The following MAN1A2 variants were observed in gnomAD, a reference collection of about 807,000 sequenced individuals.
MAN1A2 encodes mannosidase alpha class 1A member 2, also known as mannosyl-oligosaccharide 1,2-alpha-mannosidase IB.
Under a neutral mutation model 75.7 loss-of-function variants are expected in MAN1A2, and 26 were observed. The observed-to-expected ratio is 0.34, with a 90% confidence interval of 0.25 to 0.48. MAN1A2 has a LOEUF of 0.48. MAN1A2 is among the 20% of genes least tolerant of loss of function. MAN1A2 has a pLI of 0.99. For synonymous variants in MAN1A2, 247 were observed against 264.6 expected (o/e 0.93, Z 0.65); for missense variants, 562 against 775.5 (o/e 0.72, Z 3.27).
At chr1:117,406,513 G>A (rs1647620635) in intron 3 of MAN1A2, among the ~76,000 whole-genome samples, 3 of 152,030 alleles carry the variant, frequency 2.0e-5, no homozygotes, top group African/African-American at 7.2e-5. Context: ...AATGCTGTGA[G>A]TTTTCTTATA....
At chr1:117,521,925 C>G (rs1371822765) in intron 12 of MAN1A2, among the ~76,000 whole-genome samples, 1 of 151,878 alleles carries the variant, frequency 6.6e-6, no homozygotes, top group Non-Finnish European at 1.5e-5. Context: ...TGAAGTAAAT[C>G]AGGAATGGAA....
Position 117,523,369 on chromosome 1 carries a change from G to C in MAN1A2, c.*412G>C, listed in dbSNP as rs556358801. The C allele has an allele frequency of 2.4e-6, 1 of 412,134 alleles. No individual in the cohort carries two copies. The highest frequency in any genetic ancestry group is 1.8e-5 in the South Asian group (1 of 54,646). 25.5% of individuals were successfully genotyped at this position (412,134 alleles called of 1,614,324 possible). ...ATTTGTTTCCTCCTACAGTGGAGCA[G>C]CATTCAAATCAAATATTTACATATT... On this transcript the variant is annotated 3_prime_UTR_variant, in exon 13 of 13. Coordinates refer to ENST00000356554, the MANE Select transcript of MAN1A2 (RefSeq NM_006699.5).
rs1553236602 is a variant in MAN1A2 at position 117,458,500 on chromosome 1, T to TAG, written c.951-1988_951-1987insGA. ...AAGATGAGAAATATATATATATCTA[T>TAG]ATATATATATAGATATATATATATT... On this transcript the variant is annotated intron_variant, in intron 6 of 12. Transcript: ENST00000356554. Among the ~76,000 whole-genome samples the TAG allele has an allele frequency of 6.9e-4, 72 of 104,758 alleles. 1 individual carries two copies. The highest frequency in any genetic ancestry group is 3.0e-3 in the African/African-American group (72 of 23,722). 68.7% of individuals were successfully genotyped at this position (104,758 alleles called of 152,430 possible). A position where few individuals can be genotyped will look rare whatever the true frequency, so the allele number is the denominator to read the frequency against.
chr1:117,383,513 G>A (rs11577335), intron 1 of MAN1A2, among the ~76,000 whole-genome samples: 18,848 of 152,136 alleles, frequency 0.12, 1,225 homozygotes, highest in Non-Finnish European at 0.14. Flanking sequence ...GTTTTTAGAA[G>A]AGCTTGAGAA....
chr1:117,407,347 G>T (rs1218151236), intron 3 of MAN1A2, among the ~76,000 whole-genome samples: 1 of 151,752 alleles, frequency 6.6e-6, no homozygotes, highest in Non-Finnish European at 1.5e-5. Context: ...TCAAATTCTT[G>T]CCAGTAAGTA....
Position 117,387,164 on chromosome 1 carries a change from T to C in MAN1A2, c.303-15022T>C, listed in dbSNP as rs907478148. On this transcript the variant is annotated intron_variant, in intron 1 of 12. Transcript: ENST00000356554. ...AACACCACTAATCATTAGGGAAATA[T>C]AAAGCAAAACCACAATAAGATAACC... Among the ~76,000 whole-genome samples, 5 of 129,704 alleles carry C rather than the reference T, an allele frequency of 3.9e-5. No homozygotes were observed. In the East Asian group the frequency reaches 1.1e-3, roughly 29 times the overall value. 85.1% of individuals were successfully genotyped at this position (129,704 alleles called of 152,430 possible).
intron 1 of MAN1A2, 57 bp downstream of exon 1, chr1:117,368,542 T>C (rs1652847436): frequency 6.9e-7 from 1 of 1,445,498 alleles, no homozygotes; most frequent in Non-Finnish European, 9.4e-7. Context: ...GTACGGTGAT[T>C]GGATCGAATC....
chr1:117,390,296 T>C (rs988110898), intron 1 of MAN1A2, among the ~76,000 whole-genome samples: 3 of 152,060 alleles, frequency 2.0e-5, no homozygotes, highest in African/African-American at 7.2e-5. Flanking sequence ...TAACTATACA[T>C]TCAGTTTCTT....
intron 6 of MAN1A2, among the ~76,000 whole-genome samples, chr1:117,452,832 A>G (rs1649466232): frequency 6.6e-6 from 1 of 151,962 alleles, no homozygotes; most frequent in Non-Finnish European, 1.5e-5. Flanking sequence ...TTCAGTGTAG[A>G]TGAAACAGGT....
chr1:117,522,217 A>G lies in MAN1A2; in HGVS notation c.1794-608A>G, dbSNP rs114849638. On this transcript the variant is annotated intron_variant, in intron 12 of 12. Transcript: ENST00000356554. ...GACAGCAGAGTCCTCATCAGAACCA[A>G]TATTCCTCCTGAACATAGATAGAAC... is the stretch of plus-strand genomic sequence containing the variant. Among the ~76,000 whole-genome samples, 44 of 151,996 alleles carry G rather than the reference A, an allele frequency of 2.9e-4. No homozygotes were observed. The South Asian group carries it at 7.1e-3, about 24-fold the overall frequency.
chr1:117,471,654 G>A (rs543499298), intron 8 of MAN1A2, among the ~76,000 whole-genome samples: 2 of 147,562 alleles, frequency 1.4e-5, no homozygotes, highest in East Asian at 4.0e-4. Flanking sequence ...ACTTGAGAAG[G>A]TTTTTTTTTT....
chr1:117,514,936 AC>A (rs1212602221), intron 12 of MAN1A2: 2 of 528,836 alleles, frequency 3.8e-6, no homozygotes, highest in South Asian at 2.8e-5. Context: ...CTGCTCACTT[AC>A]TCCTGGAGAC....
chr1:117,474,700 C>T (rs369633628), intron 8 of MAN1A2, among the ~76,000 whole-genome samples: 1 of 151,822 alleles, frequency 6.6e-6, no homozygotes. Flanking sequence ...TATTAAGATA[C>T]AATTTACATA....
rs1232852691 is a variant in MAN1A2, at chr1:117,464,349, ACT to A, written c.1075-1982_1075-1981del. On this transcript the variant is annotated intron_variant, in intron 7 of 12. Coordinates refer to ENST00000356554, the MANE Select transcript of MAN1A2 (RefSeq NM_006699.5). ...ACTCCAGCCTGGGCGACAGAGCAAG[ACT>A]CTGTCAAAAAAAAAAGAAACAGAAC... is the stretch of plus-strand genomic sequence containing the variant. Among the ~76,000 whole-genome samples the A allele has an allele frequency of 3.2e-5, 4 of 123,758 alleles. No individual in the cohort carries two copies. In the East Asian group the frequency reaches 8.2e-4, roughly 25 times the overall value. The allele number at this position is 123,758 out of a possible 152,430, so 81.2% of individuals were successfully genotyped here. A position where few individuals can be genotyped will look rare whatever the true frequency, so the allele number is the denominator to read the frequency against.
At chr1:117,459,913 G>A (rs1649761038) in intron 6 of MAN1A2, among the ~76,000 whole-genome samples, 1 of 152,126 alleles carries the variant, frequency 6.6e-6, no homozygotes, top group South Asian at 2.1e-4. Flanking sequence ...ATTCACTACA[G>A]GGCAGTTTAT....
chr1:117,423,773 C>A (rs996019197), intron 5 of MAN1A2, among the ~76,000 whole-genome samples: 2 of 152,014 alleles, frequency 1.3e-5, no homozygotes, highest in African/African-American at 4.8e-5. Context: ...AGGTACACAA[C>A]ATAAAATTTA....
At chr1:117,431,873 C>T (rs989904853) in intron 5 of MAN1A2, among the ~76,000 whole-genome samples, 1 of 152,040 alleles carries the variant, frequency 6.6e-6, no homozygotes, top group Non-Finnish European at 1.5e-5. Context: ...TTGCTTGAGC[C>T]TAGGAGGTTG....
chr1:117,475,416 G>A (rs1021328405), intron 8 of MAN1A2, among the ~76,000 whole-genome samples: 3 of 151,202 alleles, frequency 2.0e-5, no homozygotes, highest in Non-Finnish European at 4.4e-5. Flanking sequence ...ATGCCAGAAC[G>A]TGGTTTGTTA....
At chr1:117,440,376 G>T (rs574982199) in intron 5 of MAN1A2, among the ~76,000 whole-genome samples, 1 of 152,102 alleles carries the variant, frequency 6.6e-6, no homozygotes, top group African/African-American at 2.4e-5. Context: ...GGACAGAACT[G>T]AAAAAGAGAC....
Sources: gnomAD v4.1 joint callset for allele counts (sites outside exome capture counted in the v4.1 genomes callset) on GRCh38, gnomAD v4.1.1 for gene constraint, MANE v1.5 for transcripts, NCBI Gene and HGNC (gene_info 2026-07-23, HGNC 2026-07-21) for gene names.